Variants in KIAA1549L observed in about 807,000 individuals in gnomAD.
The protein encoded by KIAA1549L is KIAA1549 like, also known as UPF0606 protein KIAA1549L.
KIAA1549L carries 88 observed loss-of-function variants against 160.7 expected under a neutral mutation model. That is an observed-to-expected ratio of 0.55 (90% CI 0.46 to 0.65). The LOEUF is 0.65. Among genes scored for constraint, KIAA1549L ranks in the 30% least tolerant of loss-of-function variants. The probability of loss-of-function intolerance (pLI) is 0.00; values close to 1 mark genes in which losing one functional copy is unlikely to be tolerated. For missense variants in KIAA1549L, 2,258 were observed against 2,437.5 expected (o/e 0.93, Z 1.55); for synonymous variants, 950 against 976.7 (o/e 0.97, Z 0.51).
At chr11:33,523,519 ATTTTC>A (rs1426379177) in intron 1 of KIAA1549L, among the ~76,000 whole-genome samples, 1 of 152,148 alleles carries the variant, frequency 6.6e-6, no homozygotes, top group Non-Finnish European at 1.5e-5. Context: ...TAGAAGGATT[ATTTTC>A]TTTTCAATGT....
In KIAA1549L at chr11:33,446,198, G is replaced by A. The variant is rs547043009; in HGVS notation, c.238+69309G>A. On this transcript the variant is annotated intron_variant, in intron 1 of 20. Transcript: ENST00000658780. ...CAACCTCCGCCTCCCAGGCTCAAGCGATTATCCTGCCTCAGCCTCCAGAGT... is the reference window on the plus strand; with the variant it reads ...CAACCTCCGCCTCCCAGGCTCAAGCAATTATCCTGCCTCAGCCTCCAGAGT... Among the ~76,000 whole-genome samples, 35 of 151,422 alleles carry A rather than the reference G, an allele frequency of 2.3e-4. No individual in the cohort carries two copies. The South Asian group carries it at 6.7e-3, about 29-fold the overall frequency.
At chr11:33,544,645 T>G in intron 2 of KIAA1549L, 122 bp from the exon 3 acceptor site, 1 of 1,327,568 alleles carries the variant, frequency 7.5e-7, no homozygotes, top group South Asian at 1.5e-5. Context: ...TTCTGTCCAC[T>G]GCAAGCCCAG....
At chr11:33,501,661 T>C (rs1419706094) in intron 1 of KIAA1549L, among the ~76,000 whole-genome samples, 1 of 152,202 alleles carries the variant, frequency 6.6e-6, no homozygotes, top group African/African-American at 2.4e-5. Flanking sequence ...AAGATAATTA[T>C]CTTTTTTTCT....
intron 1 of KIAA1549L, among the ~76,000 whole-genome samples, chr11:33,395,867 G>A (rs577058946): frequency 7.9e-5 from 12 of 152,140 alleles, no homozygotes; most frequent in African/African-American, 2.4e-4. Context: ...TCTTTTCGCC[G>A]TACTCAGCAC....
intron 1 of KIAA1549L, among the ~76,000 whole-genome samples, chr11:33,473,631 A>G (rs749232838): frequency 6.6e-6 from 1 of 152,304 alleles, no homozygotes; most frequent in East Asian, 1.9e-4. Context: ...GCTTCCGAGC[A>G]TGGCATTCAA....
chr11:33,484,619 G>T (rs979511668), intron 1 of KIAA1549L, among the ~76,000 whole-genome samples: 1 of 152,140 alleles, frequency 6.6e-6, no homozygotes, highest in Non-Finnish European at 1.5e-5. Context: ...CTACATAAAG[G>T]GCTTTGCACC....
At chr11:33,439,836 C>T (rs1166563654) in intron 1 of KIAA1549L, among the ~76,000 whole-genome samples, 1 of 151,796 alleles carries the variant, frequency 6.6e-6, no homozygotes, top group African/African-American at 2.4e-5. Flanking sequence ...TGGTATTTTC[C>T]GGGTATGTCT....
intron 9 of KIAA1549L, among the ~76,000 whole-genome samples, chr11:33,568,893 G>A (rs1389106722): frequency 6.6e-6 from 1 of 152,200 alleles, no homozygotes; most frequent in South Asian, 2.1e-4. Context: ...CTGGTTGGAA[G>A]TGCCTGAGAA....
In KIAA1549L at chr11:33,448,788, A is replaced by G. The variant is rs1326540437; in HGVS notation, c.238+71899A>G. On this transcript the variant is annotated intron_variant, in intron 1 of 20. Coordinates refer to ENST00000658780, the MANE Select transcript of KIAA1549L (RefSeq NM_012194.3). ...GATTTCCAAGTACTGCATTTGTGAAATACCTCCTCAGTAGCATCCAGGTTA... is the reference window on the plus strand; with the variant it reads ...GATTTCCAAGTACTGCATTTGTGAAGTACCTCCTCAGTAGCATCCAGGTTA... Among the ~76,000 whole-genome samples, 6 of 152,330 alleles carry G rather than the reference A, an allele frequency of 3.9e-5. No homozygotes were observed. The South Asian group carries it at 8.3e-4, about 21-fold the overall frequency.
intron 16 of KIAA1549L, among the ~76,000 whole-genome samples, chr11:33,644,774 T>C (rs1851672128): frequency 6.6e-6 from 1 of 152,262 alleles, no homozygotes; most frequent in African/African-American, 2.4e-5. Flanking sequence ...AGCCTCCCCA[T>C]ATTGCCTTGG....
At chr11:33,384,341 A>G (rs1046644597) in intron 1 of KIAA1549L, among the ~76,000 whole-genome samples, 3 of 152,214 alleles carry the variant, frequency 2.0e-5, no homozygotes, top group African/African-American at 4.8e-5. Context: ...ATAGTATTCC[A>G]TTGCACCACA....
At chr11:33,467,355 G>A (rs1416929650) in intron 1 of KIAA1549L, among the ~76,000 whole-genome samples, 1 of 152,132 alleles carries the variant, frequency 6.6e-6, no homozygotes, top group African/African-American at 2.4e-5. Context: ...CAGAACACAA[G>A]CACACACATA....
chr11:33,502,724 A>C (rs1852980824), intron 1 of KIAA1549L, among the ~76,000 whole-genome samples: 1 of 152,218 alleles, frequency 6.6e-6, no homozygotes, highest in Non-Finnish European at 1.5e-5. Context: ...TGGAAAGAGA[A>C]TGAGCTTCTA....
intron 1 of KIAA1549L, among the ~76,000 whole-genome samples, chr11:33,534,229 C>T (rs1279210692): frequency 6.6e-6 from 1 of 151,908 alleles, no homozygotes; most frequent in Non-Finnish European, 1.5e-5. Flanking sequence ...ATTACAGGTT[C>T]CCACCACCAC....
intron 1 of KIAA1549L, among the ~76,000 whole-genome samples, chr11:33,383,411 C>T (rs1460554975): frequency 6.6e-6 from 1 of 152,092 alleles, no homozygotes; most frequent in Non-Finnish European, 1.5e-5. Flanking sequence ...ACACATTATT[C>T]TGGGTCACGG....
At position 33,551,067 on chromosome 11, in the gene KIAA1549L, G is replaced by A; in HGVS notation, c.3529G>A (p.Val1177Ile). ...HVDILEYSHN[V>I]TVGYYATKGK... ...GGACATTCTGGAATATTCTCATAATGTCACAGTTGGTTATTATGCTACCAA... is the reference window on the plus strand; with the variant it reads ...GGACATTCTGGAATATTCTCATAATATCACAGTTGGTTATTATGCTACCAA... Residue 1177 changes from valine to isoleucine, a missense_variant, in exon 5 of 21, where the codon GTC becomes ATC. Val to Ile is a conservative substitution (Grantham distance 29). This residue lies in a region of KIAA1549L where 1,359 missense variants were observed against 1,546.6 expected (regional missense o/e 0.88). Coordinates refer to ENST00000658780, the MANE Select transcript of KIAA1549L (RefSeq NM_012194.3). The A allele has an allele frequency of 1.9e-6, 3 of 1,613,936 alleles. No homozygotes were observed. Among genetic ancestry groups the A allele is most frequent in the Non-Finnish European group, 2.5e-6 (3 of 1,179,830 alleles).
intron 1 of KIAA1549L, among the ~76,000 whole-genome samples, chr11:33,424,435 C>G (rs551226229): frequency 1.3e-5 from 2 of 152,232 alleles, no homozygotes; most frequent in South Asian, 4.1e-4. Context: ...TAATTTGGCT[C>G]CTTCTGCCTG....
intron 17 of KIAA1549L, among the ~76,000 whole-genome samples, chr11:33,654,085 G>A (rs1326912876): frequency 6.6e-6 from 1 of 152,056 alleles, no homozygotes; most frequent in South Asian, 2.1e-4. Context: ...CAATTCTCCT[G>A]CCTCAGCCTC....
rs1347375789 is a variant in KIAA1549L, at chr11:33,376,376, A to C, written c.-276A>C. 6.8e-6 allele frequency: 1 copy of C among 146,664 alleles called. No individual in the cohort carries two copies. The highest frequency in any genetic ancestry group is 1.5e-5 in the Non-Finnish European group (1 of 66,188). 9.1% of individuals were successfully genotyped at this position (146,664 alleles called of 1,614,324 possible). A position where few individuals can be genotyped will look rare whatever the true frequency, so the allele number is the denominator to read the frequency against. The stretch of plus-strand genomic sequence containing the variant: ...GCGCCCGTCCCACCCTCGCCGCCCC[A>C]ATCGCGCCGGCGCGCGGCGACAGGC... On this transcript the variant is annotated 5_prime_UTR_variant, in exon 1 of 21. Transcript: ENST00000658780. This position sits in a 1 kb window ranked among gnomAD's most constrained non-coding sequence, Gnocchi z 5.8.
Sources: allele counts gnomAD v4.1 joint callset (sites outside exome capture counted in the v4.1 genomes callset), GRCh38; gene constraint gnomAD v4.1.1; regional missense constraint gnomAD v4.1.1; non-coding constraint Gnocchi (gnomAD v3.1); transcripts MANE v1.5; gene names NCBI Gene and HGNC (gene_info 2026-07-23, HGNC 2026-07-21).